The following TNNI3K variants were observed in gnomAD, a reference collection of about 807,000 sequenced individuals.
The protein encoded by TNNI3K is TNNI3 interacting kinase.
A neutral mutation model predicts 114.5 loss-of-function variants in TNNI3K; 140 were observed. That is an observed-to-expected ratio of 1.22 (90% confidence interval 1.07 to 1.41). The LOEUF is 1.41. Among genes scored for constraint, TNNI3K ranks in the 40% most tolerant of loss-of-function variants. The probability of loss-of-function intolerance (pLI) is 0.00; values close to 1 mark genes in which losing one functional copy is unlikely to be tolerated. For synonymous variants in TNNI3K, 347 were observed against 347.5 expected, an observed-to-expected ratio of 1.00 and a Z score of 0.02; for missense variants, 1,125 against 1,007.6, an observed-to-expected ratio of 1.12 and a Z score of -1.58.
intron 21 of TNNI3K, chr1:74,470,031 G>A (rs1667848395): frequency 2.5e-6 from 1 of 400,698 alleles, no homozygotes. Context: ...CTGGTAAGAA[G>A]GAAAGCGCTT....
At chr1:74,468,940 T>C (rs1317744412) in intron 21 of TNNI3K, 2 of 152,186 alleles carry the variant, frequency 1.3e-5, no homozygotes, top group Non-Finnish European at 2.9e-5. Context: ...TTTGTTCTGT[T>C]ACTGTTTTTA....
chr1:74,370,471 T>TG, intron 17 of TNNI3K, 79 bp downstream of exon 17: 1 of 1,291,702 alleles, frequency 7.7e-7, no homozygotes, highest in East Asian at 2.5e-5. Flanking sequence ...AAGATACATT[T>TG]TAGACTTATT....
chr1:74,248,322 G>C (rs1251463289), intron 2 of TNNI3K, among the ~76,000 whole-genome samples: 1 of 152,050 alleles, frequency 6.6e-6, no homozygotes, highest in African/African-American at 2.4e-5. Context: ...GAGGGAGCCG[G>C]CTCTGGCCTC....
chr1:74,436,886 G>A (rs1272756256), intron 19 of TNNI3K, among the ~76,000 whole-genome samples: 2 of 152,012 alleles, frequency 1.3e-5, no homozygotes. Flanking sequence ...TAGTTCATCA[G>A]CATCTATTAA....
chr1:74,259,026 A>G (rs566317500), intron 4 of TNNI3K, among the ~76,000 whole-genome samples: 4 of 152,344 alleles, frequency 2.6e-5, no homozygotes, highest in South Asian at 2.1e-4. Context: ...CACCCCAACT[A>G]AAAGATTTCA....
Position 74,426,680 on chromosome 1 carries a change from T to C in TNNI3K, c.1773-9400T>C, listed in dbSNP as rs531532015. Among the ~76,000 whole-genome samples the C allele has an allele frequency of 6.6e-5, 10 of 152,230 alleles. No individual in the cohort carries two copies. In the East Asian group the frequency reaches 1.7e-3, roughly 27 times the overall value. The stretch of plus-strand genomic sequence containing the variant: ...TAGTGTCTAGGATTTAATTTTAACA[T>C]GCAGAGATGGACAGTATTAACAGAC... On this transcript the variant is annotated intron_variant, in intron 17 of 24. Coordinates refer to ENST00000326637, the MANE Select transcript of TNNI3K (RefSeq NM_015978.3).
At chr1:74,527,068 T>G (rs573347234) in intron 23 of TNNI3K, among the ~76,000 whole-genome samples, 12 of 152,298 alleles carry the variant, frequency 7.9e-5, no homozygotes, top group Admixed American at 6.5e-4. Flanking sequence ...AAATCTATAT[T>G]TGTTCAAGTC....
At chr1:74,523,010 G>A (rs1646454780) in intron 23 of TNNI3K, among the ~76,000 whole-genome samples, 1 of 152,152 alleles carries the variant, frequency 6.6e-6, no homozygotes, top group South Asian at 2.1e-4. Flanking sequence ...ATTCACTACA[G>A]CAGATCACAA....
chr1:74,350,454 G>A (rs1157103619), intron 9 of TNNI3K, among the ~76,000 whole-genome samples: 1 of 152,106 alleles, frequency 6.6e-6, no homozygotes, highest in Non-Finnish European at 1.5e-5. Context: ...GTTGATTTGG[G>A]GTGGAGAGTT....
At chr1:74,390,756 T>C (rs1314903200) in intron 17 of TNNI3K, among the ~76,000 whole-genome samples, 1 of 151,924 alleles carries the variant, frequency 6.6e-6, no homozygotes, top group Non-Finnish European at 1.5e-5. Context: ...AATGTATAGA[T>C]GTGAGAGTAA....
At chr1:74,433,954 A>C (rs750300078) in intron 17 of TNNI3K, among the ~76,000 whole-genome samples, 210 of 152,064 alleles carry the variant, frequency 1.4e-3, no homozygotes, top group Non-Finnish European at 1.9e-3. Flanking sequence ...GTTGTCTTTT[A>C]GTCTCTAATA....
At chr1:74,370,918 G>C (rs912742475) in intron 17 of TNNI3K, 1 of 151,882 alleles carries the variant, frequency 6.6e-6, no homozygotes, top group South Asian at 2.1e-4. Context: ...TTCCTAAATA[G>C]TGAAAACTTT....
At chr1:74,519,662 A>G (rs1337944307) in intron 23 of TNNI3K, among the ~76,000 whole-genome samples, 1 of 152,238 alleles carries the variant, frequency 6.6e-6, no homozygotes, top group Non-Finnish European at 1.5e-5. Context: ...AATCTTTTTT[A>G]TAAAGTAAAT....
At chr1:74,518,873 C>CTTTTTTT (rs1646388103) in intron 23 of TNNI3K, among the ~76,000 whole-genome samples, 90 of 100,336 alleles carry the variant, frequency 9.0e-4, no homozygotes, top group East Asian at 2.9e-3. Context: ...TTTTTTTTCC[C>CTTTTTTT]CTTTTTTTTT....
chr1:74,451,401 A>C (rs539048978), intron 20 of TNNI3K, among the ~76,000 whole-genome samples: 1 of 152,264 alleles, frequency 6.6e-6, no homozygotes, highest in Non-Finnish European at 1.5e-5. Flanking sequence ...CGAGAACTTA[A>C]TAAAATAAAA....
intron 20 of TNNI3K, among the ~76,000 whole-genome samples, chr1:74,453,652 C>G (rs112870622): frequency 7.2e-5 from 11 of 152,254 alleles, no homozygotes; most frequent in Non-Finnish European, 1.3e-4. Flanking sequence ...GTTAGGGTCT[C>G]TTTTGCATCT....
rs200750418 is a variant in TNNI3K, at chr1:74,540,251, C to T, written c.2369C>T (p.Ser790Phe). 48 of 1,612,456 alleles carry T rather than the reference C, an allele frequency of 3.0e-5. No homozygotes were observed. In the South Asian group the frequency reaches 4.6e-4, roughly 16 times the overall value. ...TTTTCCAGTGCTGGACAATATTCCT[C>T]TCAAGGTCTGTCTTTGGAGGAGATG... Reference protein sequence around the residue: ...ALSQSAGQYSSQGLSLEEMKR... With the variant: ...ALSQSAGQYSFQGLSLEEMKR... Residue 790 changes from serine to phenylalanine, a missense_variant, in exon 24 of 25, where the codon TCT becomes TTT. By Grantham distance (155) the Ser-to-Phe change is radical (BLOSUM62 -2). Transcript: ENST00000326637.
intron 24 of TNNI3K, among the ~76,000 whole-genome samples, chr1:74,542,756 A>T (rs1298093959): frequency 1.3e-5 from 2 of 152,234 alleles, no homozygotes; most frequent in African/African-American, 4.8e-5. Flanking sequence ...AAGCAGCAAT[A>T]GCTATTGACA....
In TNNI3K at chr1:74,354,042, G is replaced by A; in HGVS notation, c.1090G>A (p.Ala364Thr). 4 of 1,614,082 alleles carry A rather than the reference G, an allele frequency of 2.5e-6. No homozygotes were observed. Among genetic ancestry groups the A allele is most frequent in the Non-Finnish European group, 3.4e-6 (4 of 1,179,996 alleles). Residue 364 changes from alanine (A) to threonine (T), a missense_variant, in exon 11 of 25, where the codon GCT becomes ACT. Transcript: ENST00000326637. ...RLVQFLLDNGADMNLVACDPS... is the reference protein window; with the variant it reads ...RLVQFLLDNGTDMNLVACDPS... ...GGTTCAGTTCTTACTGGATAATGGA[G>A]CTGATATGAATCTAGTGGCTTGTGA...
Sources: allele counts gnomAD v4.1 joint callset (sites outside exome capture counted in the v4.1 genomes callset), GRCh38; gene constraint gnomAD v4.1.1; transcripts MANE v1.5; gene names NCBI Gene and HGNC (gene_info 2026-07-23, HGNC 2026-07-21).